The following CNTNAP2 variants were observed in gnomAD, a reference collection of about 807,000 sequenced individuals.
The protein encoded by CNTNAP2 is contactin-associated protein-like 2.
In CNTNAP2, 98 loss-of-function variants were observed where a neutral mutation model predicts 155.2. That is an observed-to-expected ratio of 0.63 (90% CI 0.54 to 0.75). The LOEUF (loss-of-function observed/expected upper bound fraction) is 0.75, where lower values mean the gene tolerates loss of function less well. Among genes scored for constraint, CNTNAP2 ranks in the 30% least tolerant of loss-of-function variants. CNTNAP2 has a pLI of 0.00. For missense variants in CNTNAP2, 1,727 were observed against 1,688.1 expected, an observed-to-expected ratio of 1.02 and a Z score of -0.40; for synonymous variants, 651 against 631.2, an observed-to-expected ratio of 1.03 and a Z score of -0.47.
At chr7:147,859,203 G>A (rs942989826) in intron 13 of CNTNAP2, among the ~76,000 whole-genome samples, 1 of 152,214 alleles carries the variant, frequency 6.6e-6, no homozygotes, top group Non-Finnish European at 1.5e-5. Flanking sequence ...TTAGCCATCT[G>A]TTTATAATGC....
intron 11 of CNTNAP2, among the ~76,000 whole-genome samples, chr7:147,488,554 T>A (rs1026210272): frequency 2.9e-4 from 36 of 123,582 alleles, no homozygotes; most frequent in Middle Eastern, 3.8e-3. Flanking sequence ...GTATTTTTTT[T>A]TAAAAAAAGC....
chr7:147,695,309 T>G (rs1796144956), intron 13 of CNTNAP2, among the ~76,000 whole-genome samples: 1 of 152,190 alleles, frequency 6.6e-6, no homozygotes, highest in Admixed American at 6.6e-5. Flanking sequence ...ATGTGCCTTT[T>G]GTGGCTGTTG....
At chr7:148,154,997 G>A (rs1197684593) in intron 17 of CNTNAP2, among the ~76,000 whole-genome samples, 2 of 151,944 alleles carry the variant, frequency 1.3e-5, no homozygotes, top group Non-Finnish European at 2.9e-5. Flanking sequence ...ATGTGTGCCT[G>A]CCCCTGTTTC....
intron 20 of CNTNAP2, among the ~76,000 whole-genome samples, chr7:148,235,272 T>G (rs1157428973): frequency 6.6e-6 from 1 of 152,198 alleles, no homozygotes; most frequent in Non-Finnish European, 1.5e-5. Flanking sequence ...ATATAAATCT[T>G]AAGAACTGTC....
chr7:148,329,536 C>T (rs1797949349), intron 21 of CNTNAP2, among the ~76,000 whole-genome samples: 1 of 152,132 alleles, frequency 6.6e-6, no homozygotes. Flanking sequence ...AATAGGAACA[C>T]AGGACAGAGG....
At chr7:147,798,289 T>C (rs1797934536) in intron 13 of CNTNAP2, among the ~76,000 whole-genome samples, 1 of 152,078 alleles carries the variant, frequency 6.6e-6, no homozygotes, top group Non-Finnish European at 1.5e-5. Flanking sequence ...ATAGATCCAA[T>C]AGTCAGATGA....
At chr7:147,698,018 G>A (rs1246455502) in intron 13 of CNTNAP2, among the ~76,000 whole-genome samples, 3 of 152,072 alleles carry the variant, frequency 2.0e-5, no homozygotes, top group Admixed American at 6.6e-5. Context: ...TTACAGTTTA[G>A]GGTTTCCTAC....
rs542064956 is a variant in CNTNAP2, at chr7:147,989,992, T to C, written c.2383+12003T>C. On this transcript the variant is annotated intron_variant, in intron 15 of 23. Transcript: ENST00000361727. Reference sequence around the variant, plus strand: ...AGTCCCCAACAAAACAGCCTTCTCTTCACACACCAGCTGCAAACTTGGGTG... The same window carrying C: ...AGTCCCCAACAAAACAGCCTTCTCTCCACACACCAGCTGCAAACTTGGGTG... Among the ~76,000 whole-genome samples, 3 of 152,272 alleles carry C rather than the reference T, an allele frequency of 2.0e-5. No individual in the cohort carries two copies. The South Asian group carries it at 6.2e-4, about 32-fold the overall frequency.
intron 3 of CNTNAP2, among the ~76,000 whole-genome samples, chr7:146,992,931 C>T (rs1273717467): frequency 1.3e-5 from 2 of 152,098 alleles, no homozygotes; most frequent in Non-Finnish European, 2.9e-5. Context: ...GCTAGTGAAT[C>T]CGTTTTCTTA....
At chr7:146,179,055 T>G (rs1428387116) in intron 1 of CNTNAP2, among the ~76,000 whole-genome samples, 1 of 152,236 alleles carries the variant, frequency 6.6e-6, no homozygotes. Flanking sequence ...CCAGGTCATG[T>G]GTCACTCATT....
At chr7:148,180,831 G>A (rs1321521741) in intron 18 of CNTNAP2, among the ~76,000 whole-genome samples, 1 of 152,178 alleles carries the variant, frequency 6.6e-6, no homozygotes, top group African/African-American at 2.4e-5. Flanking sequence ...CTAGAAATCT[G>A]TAAAGCATTA....
At chr7:147,098,025 T>C (rs1022802408) in intron 4 of CNTNAP2, among the ~76,000 whole-genome samples, 1 of 152,208 alleles carries the variant, frequency 6.6e-6, no homozygotes, top group African/African-American at 2.4e-5. Context: ...ATCATCTGAA[T>C]GCTTTGCATC....
chr7:147,778,369 T>C (rs933149726), intron 13 of CNTNAP2, among the ~76,000 whole-genome samples: 39 of 152,270 alleles, frequency 2.6e-4, no homozygotes, highest in African/African-American at 8.7e-4. Context: ...AGTCTTCATA[T>C]GCTTTACACA....
chr7:146,423,281 A>G (rs1460422423), intron 1 of CNTNAP2, among the ~76,000 whole-genome samples: 1 of 152,144 alleles, frequency 6.6e-6, no homozygotes, highest in Non-Finnish European at 1.5e-5. Flanking sequence ...TACAGTAGCG[A>G]TCAATTCTAT....
chr7:146,244,244 G>T (rs1297970211), intron 1 of CNTNAP2, among the ~76,000 whole-genome samples: 1 of 152,220 alleles, frequency 6.6e-6, no homozygotes, highest in Non-Finnish European at 1.5e-5. Context: ...AAGAGTGGCA[G>T]TTTGGGGATA....
At chr7:147,350,984 A>AT (rs1316641376) in intron 9 of CNTNAP2, among the ~76,000 whole-genome samples, 1 of 151,818 alleles carries the variant, frequency 6.6e-6, no homozygotes, top group Non-Finnish European at 1.5e-5. Flanking sequence ...ATATAAATTA[A>AT]TTTTTTCTTA....
chr7:147,487,530 A>G (rs543122258), intron 11 of CNTNAP2, among the ~76,000 whole-genome samples: 11 of 152,302 alleles, frequency 7.2e-5, no homozygotes, highest in African/African-American at 2.6e-4. Flanking sequence ...ACCATATTTA[A>G]TTACACGGGA....
At chr7:146,506,156 T>G (rs1797381141) in intron 1 of CNTNAP2, among the ~76,000 whole-genome samples, 1 of 152,180 alleles carries the variant, frequency 6.6e-6, no homozygotes, top group South Asian at 2.1e-4. Flanking sequence ...TGTTGTTGGT[T>G]GGCCATCCTG....
chr7:146,271,101 T>G (rs1800075418), intron 1 of CNTNAP2, among the ~76,000 whole-genome samples: 1 of 152,160 alleles, frequency 6.6e-6, no homozygotes, highest in South Asian at 2.1e-4. Context: ...TCAGAATGTG[T>G]TGTCCTATGG....
Sources: allele counts gnomAD v4.1 joint callset (sites outside exome capture counted in the v4.1 genomes callset), GRCh38; gene constraint gnomAD v4.1.1; transcripts MANE v1.5; gene names NCBI Gene and HGNC (gene_info 2026-07-23, HGNC 2026-07-21).